ZFAT: variants seen among roughly 807,000 people sequenced by gnomAD.
ZFAT encodes the protein zinc finger and AT-hook domain containing.
ZFAT carries 64 observed loss-of-function variants against 117.7 expected under a neutral mutation model. The observed-to-expected ratio is 0.54, with a 90% CI of 0.44 to 0.67. The LOEUF is 0.67. ZFAT is among the 30% of genes least tolerant of loss of function. The pLI, the probability that ZFAT is intolerant of heterozygous loss-of-function variation, is 0.00. For synonymous variants in ZFAT, 679 were observed against 615.0 expected (o/e 1.10, Z -1.54); for missense variants, 1,433 against 1,584.5 (o/e 0.90, Z 1.62).
At chr8:134,695,699 G>A (rs1833797701) in intron 1 of ZFAT, among the ~76,000 whole-genome samples, 3 of 147,678 alleles carry the variant, frequency 2.0e-5, no homozygotes, top group African/African-American at 5.0e-5. Context: ...GGCCCAGGCA[G>A]CATCTCTAAC....
At chr8:134,709,251 A>T (rs2131369751) in intron 1 of ZFAT, among the ~76,000 whole-genome samples, 1 of 152,238 alleles carries the variant, frequency 6.6e-6, no homozygotes, top group Middle Eastern at 3.4e-3. Flanking sequence ...TCAAGAAGAG[A>T]GTGGATGACA....
the ZFAT span, chr8:134,795,379 A>AG: frequency 6.6e-6 from 1 of 152,230 alleles, no homozygotes; most frequent in African/African-American, 2.4e-5. Flanking sequence ...TACAGACTGC[A>AG]GGGGCAGAAA....
chr8:134,505,403 A>T (rs988766702), intron 15 of ZFAT, among the ~76,000 whole-genome samples: 10 of 152,142 alleles, frequency 6.6e-5, no homozygotes, highest in African/African-American at 2.4e-4. Context: ...GCACCCCTCA[A>T]CCAAAGCTGT....
In ZFAT at chr8:134,565,403, G is replaced by A. The variant is rs777595729; in HGVS notation, c.2906C>T (p.Thr969Met). 2.1e-5 allele frequency: 34 copies of A among 1,613,370 alleles called. No individual in the cohort carries two copies. The highest frequency in any genetic ancestry group is 1.6e-4 in the Middle Eastern group (1 of 6,078). ...CTGGGCCGCTGTGTAGTCACACACC[G>A]TGCACTTAAACTGCTTCCCTGGAAA... ...HTADGKQFKCTVCDYTAAQKP... is the reference protein window; with the variant it reads ...HTADGKQFKCMVCDYTAAQKP... The change falls in exon 11 of 16, where the codon ACG (threonine) becomes ATG (methionine). Residue 969 changes from threonine (T) to methionine (M), a missense_variant. By Grantham distance (81) the Thr-to-Met change is moderately conservative. This residue lies in a region of ZFAT where 503 missense variants were observed against 543.4 expected (regional missense o/e 0.93). Transcript: ENST00000377838.
intron 11 of ZFAT, among the ~76,000 whole-genome samples, chr8:134,560,678 A>G (rs948482487): frequency 6.6e-6 from 1 of 152,244 alleles, no homozygotes; most frequent in Non-Finnish European, 1.5e-5. Flanking sequence ...AGGATTTGGA[A>G]GAAAGCAAAG....
chr8:134,569,773 A>ACCTCCCTGTACCTCCCTGTACCTC (rs1824748588), intron 10 of ZFAT, among the ~76,000 whole-genome samples: 1 of 152,118 alleles, frequency 6.6e-6, no homozygotes, highest in South Asian at 2.1e-4. Context: ...TGCCCTCCAG[A>ACCTCCCTGTACCTCCCTGTACCTC]CCTGTACCTC....
chr8:134,639,712 T>C (rs2131119218), intron 2 of ZFAT: 1 of 456,326 alleles, frequency 2.2e-6, no homozygotes, highest in Middle Eastern at 3.3e-4. Context: ...ACTTGCACAA[T>C]CTACTGAAGC....
chr8:134,509,795 T>C (rs1819678625), intron 14 of ZFAT, 46 bp from the exon 15 acceptor site: 1 of 1,544,006 alleles, frequency 6.5e-7, no homozygotes, highest in African/African-American at 1.4e-5. Context: ...CCACTGGTGC[T>C]GAAGGACATG....
intron 1 of ZFAT, among the ~76,000 whole-genome samples, chr8:134,696,869 C>T (rs550037192): frequency 1.1e-4 from 16 of 152,314 alleles, no homozygotes; most frequent in African/African-American, 3.6e-4. Flanking sequence ...GTATCTCTCT[C>T]AGGCATATTA....
At chr8:134,538,434 C>T (rs766915168) in intron 11 of ZFAT, among the ~76,000 whole-genome samples, 6 of 152,138 alleles carry the variant, frequency 3.9e-5, no homozygotes, top group African/African-American at 9.7e-5. Context: ...GGAGAAAAGA[C>T]GAGGAGCACA....
intron 12 of ZFAT, among the ~76,000 whole-genome samples, chr8:134,531,356 C>A (rs1405739242): frequency 1.3e-5 from 2 of 152,212 alleles, no homozygotes; most frequent in East Asian, 3.8e-4. Flanking sequence ...TTTACTGGGG[C>A]TGTAAGCCAA....
chr8:134,707,557 C>A (rs1321425303), intron 1 of ZFAT, among the ~76,000 whole-genome samples: 3 of 150,876 alleles, frequency 2.0e-5, no homozygotes, highest in Non-Finnish European at 4.5e-5. Flanking sequence ...CAGTTAGAGC[C>A]CTACAAGAAG....
the ZFAT span, among the ~76,000 whole-genome samples, chr8:134,724,237 T>C: frequency 6.6e-6 from 1 of 152,126 alleles, no homozygotes; most frequent in Non-Finnish European, 1.5e-5. Flanking sequence ...CTGTAAATTA[T>C]TGGGTAGGCA....
At chr8:134,705,912 G>GA (rs1426698679) in intron 1 of ZFAT, among the ~76,000 whole-genome samples, 2 of 152,020 alleles carry the variant, frequency 1.3e-5, no homozygotes, top group East Asian at 3.8e-4. Flanking sequence ...ATAAGCACAA[G>GA]AAAAAATGCC....
chr8:134,712,511 C>T (rs1345456666), intron 1 of ZFAT, among the ~76,000 whole-genome samples: 2 of 152,124 alleles, frequency 1.3e-5, no homozygotes, highest in African/African-American at 2.4e-5. Flanking sequence ...GAGCTGGCAT[C>T]GCCGGGATTC....
chr8:134,791,284 T>G, the ZFAT span, among the ~76,000 whole-genome samples: 1 of 152,210 alleles, frequency 6.6e-6, no homozygotes. Context: ...GTGTAGAAGT[T>G]TGCTCATCCT....
At chr8:134,772,920 C>G in the ZFAT span, among the ~76,000 whole-genome samples, 2 of 151,402 alleles carry the variant, frequency 1.3e-5, no homozygotes, top group African/African-American at 4.9e-5. Flanking sequence ...ACAAAAAGAA[C>G]AAAACAACAA....
the ZFAT span, among the ~76,000 whole-genome samples, chr8:134,770,822 G>A: frequency 1.1e-4 from 16 of 152,270 alleles, no homozygotes; most frequent in Non-Finnish European, 1.6e-4. Flanking sequence ...CCCCCTGGGC[G>A]TAGCTGTCTC....
the ZFAT span, among the ~76,000 whole-genome samples, chr8:134,740,578 A>G: frequency 6.6e-6 from 1 of 152,120 alleles, no homozygotes; most frequent in Non-Finnish European, 1.5e-5. Context: ...TGTCATGTCC[A>G]CAAGCAAAAT....
Sources: allele counts gnomAD v4.1 joint callset (sites outside exome capture counted in the v4.1 genomes callset), GRCh38; gene constraint gnomAD v4.1.1; regional missense constraint gnomAD v4.1.1; transcripts MANE v1.5; gene names NCBI Gene and HGNC (gene_info 2026-07-23, HGNC 2026-07-21).